Variants in SLC10A1 observed in about 807,000 individuals in gnomAD.
SLC10A1 encodes the protein hepatic sodium/bile acid cotransporter.
Under a neutral mutation model 20.5 loss-of-function variants are expected in SLC10A1, and 36 were observed. The observed-to-expected ratio is 1.75, with a 90% CI of 1.34 to 2.32. The LOEUF is 2.32. Ranked by LOEUF, SLC10A1 falls within the 30% of genes most tolerant of loss-of-function variation. SLC10A1 has a pLI of 0.00. For missense variants in SLC10A1, 545 were observed against 439.1 expected, an observed-to-expected ratio of 1.24 and a Z score of -2.16; for synonymous variants, 188 against 163.6, an observed-to-expected ratio of 1.15 and a Z score of -1.14.
intron 2 of SLC10A1, among the ~76,000 whole-genome samples, chr14:69,779,831 A>G (rs557854653): frequency 8.3e-6 from 1 of 121,044 alleles, no homozygotes; most frequent in South Asian, 2.3e-4. Context: ...TGCAAAATGG[A>G]TATTATTTAA....
At chr14:69,782,003 A>G (rs1286382795) in intron 2 of SLC10A1, among the ~76,000 whole-genome samples, 1 of 152,188 alleles carries the variant, frequency 6.6e-6, no homozygotes, top group African/African-American at 2.4e-5. Context: ...TTCGTTTTCC[A>G]GTTTGGCACT....
intron 1 of SLC10A1, among the ~76,000 whole-genome samples, chr14:69,787,648 G>A (rs1238112993): frequency 6.6e-6 from 1 of 152,222 alleles, no homozygotes; most frequent in Non-Finnish European, 1.5e-5. Context: ...GGTGAGAAGA[G>A]TCCCTCAAAG....
chr14:69,778,612 T>A, intron 3 of SLC10A1, 83 bp from the exon 4 acceptor site: 1 of 1,211,862 alleles, frequency 8.3e-7, no homozygotes, highest in Non-Finnish European at 1.1e-6. Flanking sequence ...CCAAAGAGTT[T>A]CGCAGCAGAT....
chr14:69,787,013 T>A (rs1883733395), intron 1 of SLC10A1, among the ~76,000 whole-genome samples: 1 of 152,136 alleles, frequency 6.6e-6, no homozygotes, highest in African/African-American at 2.4e-5. Context: ...AGAAACAGAA[T>A]AATTGAAGGG....
chr14:69,790,269 G>A (rs781770202), intron 1 of SLC10A1, among the ~76,000 whole-genome samples: 1 of 152,046 alleles, frequency 6.6e-6, no homozygotes, highest in Non-Finnish European at 1.5e-5. Context: ...CATGCAAAGT[G>A]CAGATTGTTG....
At chr14:69,795,046 C>T (rs900225091) in intron 1 of SLC10A1, among the ~76,000 whole-genome samples, 4 of 152,316 alleles carry the variant, frequency 2.6e-5, no homozygotes, top group East Asian at 1.9e-4. Context: ...AGTACCCCTT[C>T]GCAGGCCCCT....
intron 2 of SLC10A1, among the ~76,000 whole-genome samples, chr14:69,781,021 T>C (rs1883578750): frequency 6.6e-6 from 1 of 152,180 alleles, no homozygotes; most frequent in South Asian, 2.1e-4. Flanking sequence ...TGCACAGTTG[T>C]GGTTATGAGC....
chr14:69,787,811 C>T (rs971042613), intron 1 of SLC10A1, among the ~76,000 whole-genome samples: 9 of 152,084 alleles, frequency 5.9e-5, no homozygotes, highest in Non-Finnish European at 1.0e-4. Context: ...GGGAGGATTG[C>T]TTGAAGCCAG....
Position 69,776,162 on chromosome 14 carries a change from T to G in SLC10A1, c.*120A>C, listed in dbSNP as rs1883440789. ...GCCAAGACTTGATGATTCTGATAGA[T>G]GTACTGGAAATGCTGGAGAAAGACT... is the stretch of plus-strand genomic sequence containing the variant. On this transcript the variant is annotated 3_prime_UTR_variant, in exon 5 of 5. Coordinates refer to ENST00000216540, the MANE Select transcript of SLC10A1 (RefSeq NM_003049.4). 3 of 718,754 alleles carry G rather than the reference T, an allele frequency of 4.2e-6. No homozygotes were observed. In the South Asian group the frequency reaches 5.2e-5, roughly 13 times the overall value. 44.5% of individuals were successfully genotyped at this position (718,754 alleles called of 1,614,324 possible). A position where few individuals can be genotyped will look rare whatever the true frequency, so the allele number is the denominator to read the frequency against.
chr14:69,786,261 G>A lies in SLC10A1; in HGVS notation c.403C>T (p.Pro135Ser), dbSNP rs769846156. ...CSTFCALGMM[P>S]LLLYIYSRGI... ...CTGGAGTAGATGTACAGGAGGAGAG[G>A]CATCATGCCAAGGGCACAGAAGGTG... The change falls in exon 2 of 5, where the codon CCT becomes TCT. Residue 135 changes from proline (P) to serine (S), a missense_variant. Coordinates refer to ENST00000216540, the MANE Select transcript of SLC10A1 (RefSeq NM_003049.4). 8.7e-6 allele frequency: 14 copies of A among 1,613,972 alleles called. No individual in the cohort carries two copies. Among genetic ancestry groups the A allele is most frequent in the Non-Finnish European group, 1.1e-5 (13 of 1,180,026 alleles).
intron 3 of SLC10A1, among the ~76,000 whole-genome samples, chr14:69,778,879 A>G (rs1420403570): frequency 6.6e-6 from 1 of 152,146 alleles, no homozygotes; most frequent in African/African-American, 2.4e-5. Context: ...AATAATACCT[A>G]TCTCCAGGCA....
rs1027002517 is a variant in SLC10A1, at chr14:69,779,101, C to T, written c.746+81G>A. On this transcript the variant is annotated intron_variant, in intron 3 of 4. Transcript: ENST00000216540. ...AGTTAAACCCTGGAGGTTGAGGCTGCAGTGAGCTGAGAATGTGCTACTCCC... is the reference window on the plus strand; with the variant it reads ...AGTTAAACCCTGGAGGTTGAGGCTGTAGTGAGCTGAGAATGTGCTACTCCC... The T allele has an allele frequency of 1.8e-5, 19 of 1,047,606 alleles. No individual in the cohort carries two copies. The African/African-American group carries it at 2.8e-4, about 15-fold the overall frequency. 64.9% of individuals were successfully genotyped at this position (1,047,606 alleles called of 1,614,324 possible).
At chr14:69,794,375 G>A (rs1163523352) in intron 1 of SLC10A1, among the ~76,000 whole-genome samples, 2 of 152,168 alleles carry the variant, frequency 1.3e-5, no homozygotes, top group Admixed American at 6.5e-5. Context: ...TTGTGGAAAT[G>A]CTGACCTGGA....
chr14:69,779,754 C>A (rs1450281787), intron 2 of SLC10A1, among the ~76,000 whole-genome samples: 1 of 152,200 alleles, frequency 6.6e-6, no homozygotes, highest in African/African-American at 2.4e-5. Context: ...AGCACAGTTA[C>A]TGCTTTTGAC....
chr14:69,776,792 C>T (rs1340125015), intron 4 of SLC10A1, among the ~76,000 whole-genome samples: 1 of 152,206 alleles, frequency 6.6e-6, no homozygotes, highest in South Asian at 2.1e-4. Context: ...ATTGATCTAC[C>T]TCTTCTTGTC....
At chr14:69,777,380 TA>T (rs1883469358) in intron 4 of SLC10A1, among the ~76,000 whole-genome samples, 1 of 152,144 alleles carries the variant, frequency 6.6e-6, no homozygotes, top group Non-Finnish European at 1.5e-5. Context: ...TAGTATAATG[TA>T]ACAAATTCCA....
chr14:69,795,695 GA>G (rs938575410), intron 1 of SLC10A1, among the ~76,000 whole-genome samples: 1 of 152,080 alleles, frequency 6.6e-6, no homozygotes, highest in African/African-American at 2.4e-5. Context: ...TTATAGGTGT[GA>G]GCCACCGTGC....
At chr14:69,789,354 A>G (rs577521488) in intron 1 of SLC10A1, among the ~76,000 whole-genome samples, 14 of 152,268 alleles carry the variant, frequency 9.2e-5, no homozygotes, top group Non-Finnish European at 1.9e-4. Flanking sequence ...TTATATCCAT[A>G]CAATGGGATA....
chr14:69,783,357 C>T (rs1343866220), intron 2 of SLC10A1, among the ~76,000 whole-genome samples: 1 of 152,122 alleles, frequency 6.6e-6, no homozygotes, highest in Non-Finnish European at 1.5e-5. Context: ...GTAATAATTG[C>T]TACAGGGGTT....
Sources: gnomAD v4.1 joint callset for allele counts (sites outside exome capture counted in the v4.1 genomes callset) on GRCh38, gnomAD v4.1.1 for gene constraint, MANE v1.5 for transcripts, NCBI Gene and HGNC (gene_info 2026-07-23, HGNC 2026-07-21) for gene names.